The following HARBI1 variants were observed in gnomAD, a reference collection of about 807,000 sequenced individuals.
HARBI1 encodes harbinger transposase derived 1.
A neutral mutation model predicts 25.3 loss-of-function variants in HARBI1; 15 were observed. The ratio of observed to expected loss-of-function variants is 0.59; its 90% CI spans 0.40 to 0.91. HARBI1 has a LOEUF of 0.91. HARBI1 is among the 40% of genes least tolerant of loss of function. HARBI1 has a pLI of 0.00. For synonymous variants in HARBI1, 168 were observed against 160.5 expected (o/e 1.05, Z -0.35); for missense variants, 396 against 445.8 (o/e 0.89, Z 1.01).
chr11:46,604,049 GA>G, intron 2 of HARBI1, 140 bp from the exon 3 acceptor site: 2 of 1,405,696 alleles, frequency 1.4e-6, no homozygotes, highest in South Asian at 3.3e-5. Context: ...AAACCAAGCG[GA>G]AAATGCTATG....
At position 46,603,180 on chromosome 11, in the gene HARBI1, A is replaced by T; in HGVS notation, c.*350T>A. On this transcript the variant is annotated 3_prime_UTR_variant, in exon 3 of 3. Coordinates refer to ENST00000326737, the MANE Select transcript of HARBI1 (RefSeq NM_173811.4). ...GTATTTTTAGTAGAGACGGGGTTTC[A>T]CCATGTTGGCCAGGCTGGTCTTGTC... 6.1e-6 allele frequency: 1 copy of T among 164,326 alleles called. No individual in the cohort carries two copies. The highest frequency in any genetic ancestry group is 1.3e-5 in the Non-Finnish European group (1 of 76,310). 10.2% of individuals were successfully genotyped at this position (164,326 alleles called of 1,614,324 possible).
intron 1 of HARBI1, chr11:46,616,830 G>GAAAAAAA (rs2045528495): frequency 1.4e-5 from 1 of 72,632 alleles, no homozygotes; most frequent in African/African-American, 3.0e-4. Context: ...AAAAGAAGGG[G>GAAAAAAA]CAAAAAAAAA....
chr11:46,616,467 T>C, intron 1 of HARBI1, 86 bp from the exon 2 acceptor site: 1 of 1,352,610 alleles, frequency 7.4e-7, no homozygotes, highest in Non-Finnish European at 9.5e-7. Flanking sequence ...TTTCTACAAA[T>C]TTCCATTTTG....
At chr11:46,607,797 G>A (rs1462810995) in intron 2 of HARBI1, among the ~76,000 whole-genome samples, 2 of 151,828 alleles carry the variant, frequency 1.3e-5, no homozygotes, top group African/African-American at 4.8e-5. Context: ...AATAAGAACT[G>A]AGGCTGAATT....
chr11:46,606,129 A>T (rs2135379015), intron 2 of HARBI1, among the ~76,000 whole-genome samples: 1 of 149,408 alleles, frequency 6.7e-6, no homozygotes, highest in South Asian at 2.1e-4. Flanking sequence ...CATGCGATCC[A>T]CCCCCTTCGG....
chr11:46,616,560 G>T, intron 1 of HARBI1, 179 bp from the exon 2 acceptor site: 1 of 1,078,434 alleles, frequency 9.3e-7, no homozygotes, highest in Non-Finnish European at 1.1e-6. Flanking sequence ...TCTGATTCAA[G>T]GATAATGGGA....
At chr11:46,617,069 G>A (rs1172536597) in intron 1 of HARBI1, 55 bp downstream of exon 1, 1 of 913,924 alleles carries the variant, frequency 1.1e-6, no homozygotes, top group Non-Finnish European at 1.3e-6. Flanking sequence ...CCCTAAAAAC[G>A]GATGTCAAAG....
At chr11:46,617,034 G>A (rs1293996269) in intron 1 of HARBI1, 90 bp downstream of exon 1, 6 of 983,776 alleles carry the variant, frequency 6.1e-6, no homozygotes, top group Non-Finnish European at 7.2e-6. Flanking sequence ...GGTTTGGGAA[G>A]CGACTCTGCC....
chr11:46,617,739 C>G (rs2045746510), upstream of HARBI1: 1 of 398,500 alleles, frequency 2.5e-6, no homozygotes, highest in Non-Finnish European at 4.4e-6. Flanking sequence ...GAGCCAGGAC[C>G]CTTCTGAAGC....
chr11:46,605,429 C>T (rs1296981770), intron 2 of HARBI1, among the ~76,000 whole-genome samples: 1 of 151,740 alleles, frequency 6.6e-6, no homozygotes, highest in Non-Finnish European at 1.5e-5. Context: ...TCTCTTAAGT[C>T]CCGTGCCCAA....
intron 2 of HARBI1, among the ~76,000 whole-genome samples, chr11:46,605,287 C>T (rs992189705): frequency 9.9e-5 from 15 of 152,184 alleles, no homozygotes; most frequent in African/African-American, 3.4e-4. Flanking sequence ...GATAACAGTT[C>T]GCTGCAGCCT....
chr11:46,614,921 C>CT (rs1198032359), intron 2 of HARBI1, among the ~76,000 whole-genome samples: 1 of 151,860 alleles, frequency 6.6e-6, no homozygotes, highest in Admixed American at 6.6e-5. Flanking sequence ...TTTTCTTTTT[C>CT]TTTTTTTTGA....
chr11:46,609,543 C>T (rs150699154), intron 2 of HARBI1, among the ~76,000 whole-genome samples: 157 of 101,794 alleles, frequency 1.5e-3, no homozygotes, highest in Non-Finnish European at 2.4e-3. Flanking sequence ...GACAGGGTTT[C>T]AGCATGTTGA....
intron 2 of HARBI1, among the ~76,000 whole-genome samples, chr11:46,607,819 T>C (rs184415160): frequency 6.7e-6 from 1 of 149,308 alleles, no homozygotes; most frequent in Non-Finnish European, 1.5e-5. Context: ...TTTGCAGGAA[T>C]AGGTATATTT....
In HARBI1 at chr11:46,616,203, A is replaced by C; in HGVS notation, c.35T>G (p.Leu12Arg). ...CCGGTGACCACGGCCATATAGCAAG[A>C]GGTCACAGTCAAGCACTGTTATTGG... Reference protein sequence around the residue: ...AIPITVLDCDLLLYGRGHRTL... With the variant: ...AIPITVLDCDRLLYGRGHRTL... Residue 12 changes from leucine (L) to arginine (R), a missense_variant, in exon 2 of 3, where the codon CTC (leucine) becomes CGC (arginine). By Grantham distance (102) the Leu-to-Arg change is moderately radical. Coordinates refer to ENST00000326737, the MANE Select transcript of HARBI1 (RefSeq NM_173811.4). 1 of 1,612,042 alleles carries C rather than the reference A, an allele frequency of 6.2e-7. No individual in the cohort carries two copies. The highest frequency in any genetic ancestry group is 8.5e-7 in the Non-Finnish European group (1 of 1,180,028).
chr11:46,605,739 C>A (rs2044919099), intron 2 of HARBI1, among the ~76,000 whole-genome samples: 1 of 151,836 alleles, frequency 6.6e-6, no homozygotes, highest in South Asian at 2.1e-4. Flanking sequence ...AGGCACACGC[C>A]ACCACGCCCG....
intron 2 of HARBI1, among the ~76,000 whole-genome samples, chr11:46,607,527 T>C (rs1210901802): frequency 6.6e-6 from 1 of 152,142 alleles, no homozygotes; most frequent in Non-Finnish European, 1.5e-5. Flanking sequence ...AAATGATCCT[T>C]GTTAAAGTTT....
At chr11:46,604,596 T>C in intron 2 of HARBI1, 1 of 985,288 alleles carries the variant, frequency 1.0e-6, no homozygotes, top group Non-Finnish European at 1.2e-6. Context: ...AACTTTACCC[T>C]CAAAATTTCA....
At chr11:46,610,096 AC>A (rs2045114830) in intron 2 of HARBI1, among the ~76,000 whole-genome samples, 1 of 150,654 alleles carries the variant, frequency 6.6e-6, no homozygotes, top group Non-Finnish European at 1.5e-5. Context: ...CAGGTGATCC[AC>A]CCGCTTTGGC....
Sources: allele counts gnomAD v4.1 joint callset (sites outside exome capture counted in the v4.1 genomes callset), GRCh38; gene constraint gnomAD v4.1.1; transcripts MANE v1.5; gene names NCBI Gene and HGNC (gene_info 2026-07-23, HGNC 2026-07-21).